The following PBLD variants were observed in gnomAD, a reference collection of about 807,000 sequenced individuals.
PBLD encodes the protein phenazine biosynthesis-like domain-containing protein.
PBLD carries 26 observed loss-of-function variants against 31.3 expected under a neutral mutation model. That is an observed-to-expected ratio of 0.83 (90% CI 0.61 to 1.15). The LOEUF (loss-of-function observed/expected upper bound fraction) is 1.15. Ranked by LOEUF, PBLD falls within the 50% of genes most tolerant of loss-of-function variation. The pLI, the probability that PBLD is intolerant of heterozygous loss-of-function variation, is 0.00. For missense variants in PBLD, 307 were observed against 351.7 expected (o/e 0.87, Z 1.02); for synonymous variants, 114 against 129.0 (o/e 0.88, Z 0.79).
intron 1 of PBLD, among the ~76,000 whole-genome samples, chr10:68,320,822 T>C (rs7903155): frequency 0.47 from 52,821 of 111,900 alleles, 9,756 homozygotes; most frequent in Non-Finnish European, 0.49. Context: ...CTCAACCCCC[T>C]TTTTTTTTTT....
chr10:68,327,179 CT>C (rs962450203), intron 1 of PBLD, among the ~76,000 whole-genome samples: 102 of 152,190 alleles, frequency 6.7e-4, no homozygotes, highest in African/African-American at 2.3e-3. Flanking sequence ...TTGCCATTTA[CT>C]TTTTTGGTAA....
At chr10:68,332,547 CG>C (rs1470273808) in intron 1 of PBLD, among the ~76,000 whole-genome samples, 1 of 152,214 alleles carries the variant, frequency 6.6e-6, no homozygotes, top group Non-Finnish European at 1.5e-5. Context: ...CGCCCTTCCC[CG>C]CTCTTTTTAC....
intron 2 of PBLD, among the ~76,000 whole-genome samples, chr10:68,300,363 A>G (rs2044489621): frequency 6.6e-6 from 1 of 152,200 alleles, no homozygotes; most frequent in Non-Finnish European, 1.5e-5. Flanking sequence ...ACAAACGATT[A>G]TTAACCCTGT....
chr10:68,309,855 G>A (rs2044640993), intron 1 of PBLD, among the ~76,000 whole-genome samples: 1 of 148,890 alleles, frequency 6.7e-6, no homozygotes, highest in Non-Finnish European at 1.5e-5. Flanking sequence ...AAATATGTAG[G>A]CCAGGCACGG....
At chr10:68,311,925 G>A (rs563146935) in intron 1 of PBLD, among the ~76,000 whole-genome samples, 18 of 152,332 alleles carry the variant, frequency 1.2e-4, no homozygotes, top group Admixed American at 7.2e-4. Flanking sequence ...AGCATTGTGG[G>A]AAAGTATTGT....
chr10:68,284,040 C>T lies in PBLD; in HGVS notation c.*137G>A, dbSNP rs2044257704. ...ACGATTACAGGCATGAGCCACTGCGCCTGGCCCATTTTTCGATTTTTAACA... is the reference window on the plus strand; with the variant it reads ...ACGATTACAGGCATGAGCCACTGCGTCTGGCCCATTTTTCGATTTTTAACA... On this transcript the variant is annotated 3_prime_UTR_variant, in exon 10 of 10. Coordinates refer to ENST00000358769, the MANE Select transcript of PBLD (RefSeq NM_022129.4). 4 of 748,816 alleles carry T rather than the reference C, an allele frequency of 5.3e-6. No homozygotes were observed. Among genetic ancestry groups the T allele is most frequent in the South Asian group, 3.6e-5 (2 of 54,980 alleles). The allele number at this position is 748,816 out of a possible 1,614,324, so 46.4% of individuals were successfully genotyped here.
At chr10:68,325,435 T>C (rs1031851966) in intron 1 of PBLD, among the ~76,000 whole-genome samples, 3 of 151,088 alleles carry the variant, frequency 2.0e-5, no homozygotes, top group African/African-American at 7.3e-5. Context: ...CGTGGTGGTG[T>C]ATGCCTGTAG....
chr10:68,323,158 A>G (rs2044861247), intron 1 of PBLD, among the ~76,000 whole-genome samples: 1 of 152,120 alleles, frequency 6.6e-6, no homozygotes, highest in African/African-American at 2.4e-5. Flanking sequence ...TATTTTTTTT[A>G]ATGATCTGAG....
intron 1 of PBLD, among the ~76,000 whole-genome samples, chr10:68,327,992 C>T (rs2044950765): frequency 6.6e-6 from 1 of 151,942 alleles, no homozygotes; most frequent in Non-Finnish European, 1.5e-5. Context: ...CTTTTGGTTG[C>T]CAGATTCACA....
At chr10:68,303,221 G>C (rs548784560) in intron 2 of PBLD, among the ~76,000 whole-genome samples, 1 of 151,966 alleles carries the variant, frequency 6.6e-6, no homozygotes, top group South Asian at 2.1e-4. Flanking sequence ...TTACAGGCAT[G>C]CGTCACCACA....
At chr10:68,327,399 G>T (rs2044939446) in intron 1 of PBLD, among the ~76,000 whole-genome samples, 1 of 151,828 alleles carries the variant, frequency 6.6e-6, no homozygotes, top group Non-Finnish European at 1.5e-5. Context: ...TCTGGGTGGG[G>T]CTGGGCGCTG....
Position 68,301,071 on chromosome 10 carries a change from A to G in PBLD, c.85-4086T>C, listed in dbSNP as rs144054534. On this transcript the variant is annotated intron_variant, in intron 2 of 9. Coordinates refer to ENST00000358769, the MANE Select transcript of PBLD (RefSeq NM_022129.4). ...GCCACCATACCCGGCTGATTTTTGT[A>G]TTTTATTAGAGATGAGGTTTCACCA... Among the ~76,000 whole-genome samples the G allele has an allele frequency of 4.6e-5, 7 of 151,912 alleles. No individual in the cohort carries two copies. In the East Asian group the frequency reaches 1.4e-3, roughly 29 times the overall value.
intron 1 of PBLD, among the ~76,000 whole-genome samples, chr10:68,316,807 G>A (rs1165183821): frequency 6.6e-6 from 1 of 152,124 alleles, no homozygotes; most frequent in Non-Finnish European, 1.5e-5. Context: ...GAGCTCAGGA[G>A]TTCGAGACCA....
intron 1 of PBLD, among the ~76,000 whole-genome samples, chr10:68,313,710 AG>A (rs1265931479): frequency 6.6e-6 from 1 of 152,214 alleles, no homozygotes; most frequent in Non-Finnish European, 1.5e-5. Context: ...CAAAAGCTCA[AG>A]GGCCTGGAAG....
intron 6 of PBLD, among the ~76,000 whole-genome samples, chr10:68,290,777 C>T (rs1589649060): frequency 6.6e-6 from 1 of 152,134 alleles, no homozygotes; most frequent in South Asian, 2.1e-4. Flanking sequence ...TAGGGAAGAA[C>T]ACAAAATGGC....
At chr10:68,304,317 C>T (rs1039331722) in intron 2 of PBLD, among the ~76,000 whole-genome samples, 1 of 152,188 alleles carries the variant, frequency 6.6e-6, no homozygotes, top group East Asian at 1.9e-4. Flanking sequence ...CTTTAGATAT[C>T]TATTCAGGTG....
intron 1 of PBLD, among the ~76,000 whole-genome samples, chr10:68,322,960 C>G (rs2044858858): frequency 6.6e-6 from 1 of 151,916 alleles, no homozygotes; most frequent in Non-Finnish European, 1.5e-5. Context: ...AGTCTGGTCT[C>G]AAACTCCTGG....
intron 1 of PBLD, among the ~76,000 whole-genome samples, chr10:68,327,539 G>A (rs1170827898): frequency 4.6e-5 from 7 of 151,796 alleles, no homozygotes; most frequent in Non-Finnish European, 8.8e-5. Context: ...TTAGCTGGGC[G>A]TGGTCATGCA....
chr10:68,312,646 G>T (rs1589666207), intron 1 of PBLD, among the ~76,000 whole-genome samples: 1 of 104,958 alleles, frequency 9.5e-6, no homozygotes, highest in Admixed American at 1.6e-4. Flanking sequence ...GTCTTGCTCT[G>T]TCTCCCAGAC....
Sources: allele counts gnomAD v4.1 joint callset (sites outside exome capture counted in the v4.1 genomes callset), GRCh38; gene constraint gnomAD v4.1.1; transcripts MANE v1.5; gene names NCBI Gene and HGNC (gene_info 2026-07-23, HGNC 2026-07-21).